Variants in IFIT5 observed in about 807,000 individuals in gnomAD.
IFIT5 encodes the protein interferon induced protein with tetratricopeptide repeats 5.
IFIT5 carries 2 observed loss-of-function variants against 5.0 expected under a neutral mutation model. The ratio of observed to expected loss-of-function variants is 0.40; its 90% confidence interval spans 0.16 to 1.26. IFIT5 has a LOEUF of 1.26. IFIT5 is among the 50% of genes most tolerant of loss of function. The pLI is 0.33. For synonymous variants in IFIT5, 206 were observed against 204.6 expected (o/e 1.01, Z -0.06); for missense variants, 524 against 563.2 (o/e 0.93, Z 0.70).
rs545680289 is a variant in IFIT5 at position 89,418,322 on chromosome 10, A to C, written c.1123A>C (p.Lys375Gln). 40 of 1,614,238 alleles carry C rather than the reference A, an allele frequency of 2.5e-5. No homozygotes were observed. The South Asian group carries it at 4.3e-4, about 17-fold the overall frequency. ...LRLENITDDH[K>Q]HQIHYHYGRF... ...TCTGGAGAACATAACCGATGATCAC[A>C]AACATCAGATCCATTACCACTATGG... Residue 375 changes from lysine (K) to glutamine (Q), a missense_variant, in exon 2 of 2, where the codon AAA becomes CAA. Lys to Gln is a moderately conservative substitution (Grantham distance 53). Coordinates refer to ENST00000371795, the MANE Select transcript of IFIT5 (RefSeq NM_012420.3).
Position 89,414,655 on chromosome 10 carries a change from G to A in IFIT5, c.-144G>A, listed in dbSNP as rs750931218. On this transcript the variant is annotated 5_prime_UTR_variant, in exon 1 of 2. Coordinates refer to ENST00000371795, the MANE Select transcript of IFIT5 (RefSeq NM_012420.3). ...CTCTCCTTTAACAAAGACACGCCGC[G>A]CGGCCGAGTCCAGGGGCTGCAGAGG... The A allele has an allele frequency of 7.2e-5, 59 of 813,868 alleles. No homozygotes were observed. Among genetic ancestry groups the A allele is most frequent in the South Asian group, 1.3e-4 (6 of 46,824 alleles). 50.4% of individuals were successfully genotyped at this position (813,868 alleles called of 1,614,324 possible).
rs1436571508 is a variant in IFIT5 at position 89,417,888 on chromosome 10, C to A, written c.689C>A (p.Ala230Glu). The A allele has an allele frequency of 1.2e-6, 2 of 1,614,060 alleles. No individual in the cohort carries two copies. The highest frequency in any genetic ancestry group is 2.7e-5 in the African/African-American group (2 of 74,928). ...GCACTGAAGCTTCAAGATGTACATG[C>A]AGAAGCTGAAGGGGAAAAGTATATT... ...FLALKLQDVHAEAEGEKYIEE... is the reference protein window; with the variant it reads ...FLALKLQDVHEEAEGEKYIEE... Residue 230 changes from alanine to glutamate, a missense_variant, in exon 2 of 2, where the codon GCA (alanine) becomes GAA (glutamate). By Grantham distance (107) the Ala-to-Glu change is moderately radical. Coordinates refer to ENST00000371795, the MANE Select transcript of IFIT5 (RefSeq NM_012420.3).
Position 89,417,644 on chromosome 10 carries a change from T to C in IFIT5, c.445T>C (p.Leu149=), listed in dbSNP as rs1841553778. ...TGACTGTGAGAAAGGCTGGGCACTC[T>C]TGAAATTTGGAGGAAAGTATTATCA... is the stretch of plus-strand genomic sequence containing the variant. ...ETDCEKGWAL[L]KFGGKYYQKA... is the part of the protein sequence containing the mutation. Residue 149 remains leucine (L), a synonymous_variant, in exon 2 of 2, where the codon TTG becomes CTG. Coordinates refer to ENST00000371795, the MANE Select transcript of IFIT5 (RefSeq NM_012420.3). 1 of 1,614,220 alleles carries C rather than the reference T, an allele frequency of 6.2e-7. No homozygotes were observed. The highest frequency in any genetic ancestry group is 8.5e-7 in the Non-Finnish European group (1 of 1,180,038).
chr10:89,414,954 T>G, intron 1 of IFIT5, 151 bp downstream of exon 1: 3 of 1,041,822 alleles, frequency 2.9e-6, no homozygotes, highest in Non-Finnish European at 4.0e-6. Flanking sequence ...TTGGGGACCC[T>G]CCCCGGGCGC....
intron 1 of IFIT5, 81 bp from the exon 2 acceptor site, chr10:89,417,124 T>C: frequency 8.4e-7 from 1 of 1,197,136 alleles, no homozygotes; most frequent in Non-Finnish European, 1.1e-6. Flanking sequence ...AATTAGTTGT[T>C]ATGCAAAGAA....
At position 89,418,203 on chromosome 10, in the gene IFIT5, C is replaced by CT. The variant is rs1841561920; in HGVS notation, c.1005dup (p.Met336TyrfsTer15). 1.2e-6 allele frequency: 2 copies of CT among 1,614,104 alleles called. No homozygotes were observed. Among genetic ancestry groups the CT allele is most frequent in the African/African-American group, 1.3e-5 (1 of 74,936 alleles). ...TTCAAAGCAGCCATGGAACGAGACT[C>CT]TATGTTTGCATTTGCCTACACAGAC... On this transcript the variant is annotated frameshift_variant, in exon 2 of 2. Coordinates refer to ENST00000371795, the MANE Select transcript of IFIT5 (RefSeq NM_012420.3). LOFTEE classifies it low-confidence loss of function (END_TRUNC).
rs781256548 is a variant in IFIT5, at chr10:89,417,495, A to T, written c.296A>T (p.Asn99Ile). ...EEVRSLVTWGNYAWVYYHMDQ... is the reference protein window; with the variant it reads ...EEVRSLVTWGIYAWVYYHMDQ... ...GTACGAAGCCTGGTCACTTGGGGAAACTATGCCTGGGTGTATTATCACATG... is the reference window on the plus strand; with the variant it reads ...GTACGAAGCCTGGTCACTTGGGGAATCTATGCCTGGGTGTATTATCACATG... The change falls in exon 2 of 2, where the codon AAC becomes ATC. Residue 99 changes from asparagine (N) to isoleucine (I), a missense_variant. Physicochemically the swap from Asn to Ile is moderately radical, Grantham distance 149. Transcript: ENST00000371795. 2 of 1,614,202 alleles carry T rather than the reference A, an allele frequency of 1.2e-6. No individual in the cohort carries two copies. The highest frequency in any genetic ancestry group is 1.7e-6 in the Non-Finnish European group (2 of 1,180,036).
rs1841574723 is a variant in IFIT5, at chr10:89,419,131, A to G, written c.*483A>G. ...CTTTGATGAGGATATTTAGCTATCA[A>G]TCTAATAGTCACCTAAAATATCTTT... is the stretch of plus-strand genomic sequence containing the variant. On this transcript the variant is annotated 3_prime_UTR_variant, in exon 2 of 2. Transcript: ENST00000371795. 6.6e-6 allele frequency: 1 copy of G among 152,264 alleles called. No individual in the cohort carries two copies. Among genetic ancestry groups the G allele is most frequent in the Non-Finnish European group, 1.5e-5 (1 of 68,078 alleles). The allele number at this position is 152,264 out of a possible 1,614,324, so 9.4% of individuals were successfully genotyped here. A position where few individuals can be genotyped will look rare whatever the true frequency, so the allele number is the denominator to read the frequency against.
At chr10:89,415,541 T>C (rs304451) in intron 1 of IFIT5, among the ~76,000 whole-genome samples, 96,196 of 152,082 alleles carry the variant, frequency 0.63, 32,653 homozygotes, top group African/African-American at 0.88. Context: ...CTTTATCTGT[T>C]TCCTTTACTG....
In IFIT5 at chr10:89,414,727, C is replaced by T. The variant is rs187607140; in HGVS notation, c.-72C>T. On this transcript the variant is annotated 5_prime_UTR_variant, in exon 1 of 2. Transcript: ENST00000371795. ...CGCACGCCCACCGCGCGGCTTCCCG[C>T]GGTCCCCGGTGCTGAGGAGAGAGCG... 12 of 1,553,362 alleles carry T rather than the reference C, an allele frequency of 7.7e-6. No individual in the cohort carries two copies. Among genetic ancestry groups the T allele is most frequent in the Non-Finnish European group, 1.0e-5 (12 of 1,158,528 alleles).
intron 1 of IFIT5, among the ~76,000 whole-genome samples, 158 bp downstream of exon 1, chr10:89,414,961 G>C (rs1412075618): frequency 6.6e-6 from 1 of 152,168 alleles, no homozygotes; most frequent in Admixed American, 6.5e-5. Flanking sequence ...CCCTCCCCGG[G>C]CGCTCTGTCC....
rs1240258963 is a variant in IFIT5, at chr10:89,417,398, A to T, written c.199A>T (p.Asn67Tyr). 1 of 1,614,194 alleles carries T rather than the reference A, an allele frequency of 6.2e-7. No homozygotes were observed. Residue 67 changes from asparagine to tyrosine, a missense_variant, in exon 2 of 2, where the codon AAT (asparagine) becomes TAT (tyrosine). Transcript: ENST00000371795. ...LAYVKHLKGQNKDALECLEQA... is the reference protein window; with the variant it reads ...LAYVKHLKGQYKDALECLEQA... Reference sequence around the variant, plus strand: ...CTATGTGAAACACCTAAAAGGCCAAAATAAAGACGCCCTTGAGTGCTTGGA... The same window carrying T: ...CTATGTGAAACACCTAAAAGGCCAATATAAAGACGCCCTTGAGTGCTTGGA...
rs934947321 is a variant in IFIT5, at chr10:89,419,365, T to C, written c.*717T>C. On this transcript the variant is annotated 3_prime_UTR_variant, in exon 2 of 2. Coordinates refer to ENST00000371795, the MANE Select transcript of IFIT5 (RefSeq NM_012420.3). ...TAGTGAGTCTCAAATTGTTCTCTTT[T>C]TTTTTTTAACTAAAACAAATCTGCA... 2.0e-5 allele frequency: 2 copies of C among 102,378 alleles called. No individual in the cohort carries two copies. The highest frequency in any genetic ancestry group is 9.0e-5 in the African/African-American group (2 of 22,106). 6.3% of individuals were successfully genotyped at this position (102,378 alleles called of 1,614,324 possible). A position where few individuals can be genotyped will look rare whatever the true frequency, so the allele number is the denominator to read the frequency against.
chr10:89,416,294 C>T (rs1480632844), intron 1 of IFIT5, among the ~76,000 whole-genome samples: 1 of 152,102 alleles, frequency 6.6e-6, no homozygotes, highest in African/African-American at 2.4e-5. Context: ...AACAAAACAA[C>T]AACAACAACA....
At position 89,414,603 on chromosome 10, in the gene IFIT5, G is replaced by C. The variant is rs1841509691; in HGVS notation, c.-196G>C. The C allele has an allele frequency of 2.0e-6, 1 of 498,248 alleles. No homozygotes were observed. The highest frequency in any genetic ancestry group is 2.0e-5 in the African/African-American group (1 of 49,096). 30.9% of individuals were successfully genotyped at this position (498,248 alleles called of 1,614,324 possible). A position where few individuals can be genotyped will look rare whatever the true frequency, so the allele number is the denominator to read the frequency against. On this transcript the variant is annotated 5_prime_UTR_variant, in exon 1 of 2. Coordinates refer to ENST00000371795, the MANE Select transcript of IFIT5 (RefSeq NM_012420.3). ...CGCTCGGCATCTGATTCAATCTCCA[G>C]TTTCCTGTTCTTGCTGGGGCTGGGG...
At position 89,417,223 on chromosome 10, in the gene IFIT5, C is replaced by T. The variant is rs775266149; in HGVS notation, c.24C>T (p.Thr8=). 4 of 1,599,852 alleles carry T rather than the reference C, an allele frequency of 2.5e-6. No homozygotes were observed. The highest frequency in any genetic ancestry group is 3.4e-5 in the Admixed American group (2 of 58,752). Residue 8 remains threonine (T), a synonymous_variant, in exon 2 of 2, where the codon ACC becomes ACT. Coordinates refer to ENST00000371795, the MANE Select transcript of IFIT5 (RefSeq NM_012420.3). ...TTGACAGTGAAATTCGTAAGGACAC[C>T]TTGAAGGCCATTCTGTTGGAGTTAG... MSEIRKD[T]LKAILLELEC... is the part of the protein sequence containing the mutation.
At chr10:89,417,072 AT>A in intron 1 of IFIT5, 132 bp from the exon 2 acceptor site, 1 of 703,484 alleles carries the variant, frequency 1.4e-6, no homozygotes. Flanking sequence ...GTATAAAGTT[AT>A]GGGAAACTTA....
In IFIT5 at chr10:89,417,981, G is replaced by T; in HGVS notation, c.782G>T (p.Arg261Ile). The T allele has an allele frequency of 1.2e-6, 2 of 1,614,152 alleles. No individual in the cohort carries two copies. The highest frequency in any genetic ancestry group is 1.7e-6 in the Non-Finnish European group (2 of 1,180,006). Residue 261 changes from arginine (R) to isoleucine (I), a missense_variant, in exon 2 of 2, where the codon AGA (arginine) becomes ATA (isoleucine). Transcript: ENST00000371795. ...CGTTATGCAGCCAAGTTCTATAGGAGAAAAAATTCCTGGAACAAAGCTCTC... is the reference window on the plus strand; with the variant it reads ...CGTTATGCAGCCAAGTTCTATAGGATAAAAAATTCCTGGAACAAAGCTCTC... ...VLRYAAKFYR[R>I]KNSWNKALEL...
chr10:89,416,127 G>T (rs1400826216), intron 1 of IFIT5, among the ~76,000 whole-genome samples: 1 of 152,192 alleles, frequency 6.6e-6, no homozygotes, highest in Non-Finnish European at 1.5e-5. Flanking sequence ...GTTTCACCAT[G>T]TTGACCGGGC....
Sources: gnomAD v4.1 joint callset for allele counts (sites outside exome capture counted in the v4.1 genomes callset) on GRCh38, gnomAD v4.1.1 for gene constraint, MANE v1.5 for transcripts, NCBI Gene and HGNC (gene_info 2026-07-23, HGNC 2026-07-21) for gene names.